Variants in SGCG observed in about 807,000 individuals in gnomAD.
The protein encoded by SGCG is sarcoglycan gamma, also known as gamma-sarcoglycan.
In SGCG, 26 loss-of-function variants were observed where a neutral mutation model predicts 29.3. The ratio of observed to expected loss-of-function variants is 0.89; its 90% CI spans 0.65 to 1.23. The LOEUF (loss-of-function observed/expected upper bound fraction) is 1.23, where lower values mean the gene tolerates loss of function less well. SGCG is among the 50% of genes most tolerant of loss of function. The pLI, the probability that SGCG is intolerant of heterozygous loss-of-function variation, is 0.00. For missense variants in SGCG, 353 were observed against 356.0 expected (o/e 0.99, Z 0.07); for synonymous variants, 145 against 129.7 (o/e 1.12, Z -0.80).
intron 6 of SGCG, among the ~76,000 whole-genome samples, chr13:23,303,379 A>C (rs913411090): frequency 6.6e-6 from 1 of 152,204 alleles, no homozygotes; most frequent in Non-Finnish European, 1.5e-5. Flanking sequence ...ACTTTCAGAC[A>C]CTGGATAGCA....
intron 4 of SGCG, among the ~76,000 whole-genome samples, chr13:23,259,844 T>G (rs1880356528): frequency 6.6e-6 from 1 of 152,226 alleles, no homozygotes; most frequent in Non-Finnish European, 1.5e-5. Flanking sequence ...TTCCATGTAG[T>G]TGAGCAGTTT....
intron 5 of SGCG, among the ~76,000 whole-genome samples, chr13:23,284,942 C>T (rs1881437752): frequency 6.6e-6 from 1 of 152,192 alleles, no homozygotes; most frequent in African/African-American, 2.4e-5. Flanking sequence ...GTGGAGGCTG[C>T]AGAACAGCAA....
chr13:23,270,225 T>C (rs1351730120), intron 4 of SGCG, among the ~76,000 whole-genome samples: 2 of 152,280 alleles, frequency 1.3e-5, no homozygotes, highest in South Asian at 2.1e-4. Flanking sequence ...AGAAGTGGGA[T>C]TGTGGATATG....
the SGCG span, among the ~76,000 whole-genome samples, chr13:23,163,076 A>C: frequency 6.6e-6 from 1 of 152,122 alleles, no homozygotes; most frequent in African/African-American, 2.4e-5. Context: ...TTTGAATGCC[A>C]ATTTTCGTAG....
At chr13:23,309,325 A>G (rs913508397) in intron 6 of SGCG, among the ~76,000 whole-genome samples, 7 of 152,068 alleles carry the variant, frequency 4.6e-5, no homozygotes, top group Non-Finnish European at 8.8e-5. Context: ...CTGGGCTCAA[A>G]TGATCCTTCT....
chr13:23,308,395 T>G (rs1006673766), intron 6 of SGCG, among the ~76,000 whole-genome samples: 1 of 152,186 alleles, frequency 6.6e-6, no homozygotes, highest in African/African-American at 2.4e-5. Flanking sequence ...TTTTGTCATA[T>G]ATAAAGCTAT....
At chr13:23,165,899 TG>T in the SGCG span, among the ~76,000 whole-genome samples, 1 of 152,198 alleles carries the variant, frequency 6.6e-6, no homozygotes, top group Non-Finnish European at 1.5e-5. Context: ...CTTTGTATCT[TG>T]CAACCCTGCT....
chr13:23,175,020 G>T, the SGCG span, among the ~76,000 whole-genome samples: 23 of 152,288 alleles, frequency 1.5e-4, no homozygotes, highest in African/African-American at 5.3e-4. Context: ...GAGCACGAGG[G>T]TCAGGATATA....
At chr13:23,205,192 T>C (rs1877939737) in intron 2 of SGCG, among the ~76,000 whole-genome samples, 1 of 152,180 alleles carries the variant, frequency 6.6e-6, no homozygotes, top group African/African-American at 2.4e-5. Flanking sequence ...AGCATCACAA[T>C]AGTACTTAGT....
upstream of SGCG, among the ~76,000 whole-genome samples, chr13:23,176,747 T>C (rs1565987400): frequency 6.6e-6 from 1 of 152,188 alleles, no homozygotes; most frequent in Non-Finnish European, 1.5e-5. Flanking sequence ...TGTCGATAGG[T>C]AAGGACTTAT....
chr13:23,260,710 T>C (rs778943103), intron 4 of SGCG, among the ~76,000 whole-genome samples: 22 of 152,322 alleles, frequency 1.4e-4, no homozygotes, highest in Non-Finnish European at 2.6e-4. Flanking sequence ...TGTTTAGTGC[T>C]TCCTTCAGGA....
At chr13:23,211,100 G>A (rs1396763981) in intron 2 of SGCG, among the ~76,000 whole-genome samples, 6 of 152,152 alleles carry the variant, frequency 3.9e-5, no homozygotes, top group African/African-American at 1.4e-4. Flanking sequence ...TTGGCCAAAC[G>A]TCTTGCACCC....
At chr13:23,197,132 T>C (rs184844993) in intron 1 of SGCG, among the ~76,000 whole-genome samples, 18 of 152,334 alleles carry the variant, frequency 1.2e-4, no homozygotes, top group African/African-American at 3.6e-4. Flanking sequence ...TAGCTCATTT[T>C]TTTTTGTTAC....
intron 3 of SGCG, among the ~76,000 whole-genome samples, chr13:23,238,341 C>A (rs1485530718): frequency 6.6e-6 from 1 of 152,108 alleles, no homozygotes; most frequent in Non-Finnish European, 1.5e-5. Context: ...TCACCTCATC[C>A]CACCCCCACC....
At chr13:23,313,316 C>T (rs147562811) in intron 6 of SGCG, among the ~76,000 whole-genome samples, 29,545 of 151,860 alleles carry the variant, frequency 0.19, 3,343 homozygotes, top group Non-Finnish European at 0.25. Context: ...AGGCATCCAC[C>T]ACCATGCCCA....
intron 6 of SGCG, among the ~76,000 whole-genome samples, chr13:23,308,912 C>T (rs1882453736): frequency 6.6e-6 from 1 of 151,954 alleles, no homozygotes; most frequent in African/African-American, 2.4e-5. Flanking sequence ...TTTTGAAAAA[C>T]TCTCCTGGTT....
chr13:23,324,298 A>G, intron 7 of SGCG, 70 bp from the exon 8 acceptor site: 1 of 1,436,358 alleles, frequency 7.0e-7, no homozygotes, highest in African/African-American at 1.4e-5. Context: ...AAATCTTGTG[A>G]GAATGGGGAT....
chr13:23,250,884 G>C (rs1251306560), intron 4 of SGCG, among the ~76,000 whole-genome samples, 167 bp downstream of exon 4: 2 of 152,186 alleles, frequency 1.3e-5, no homozygotes, highest in African/African-American at 4.8e-5. Context: ...AGAGTGGGGT[G>C]GGGGGTGAGG....
intron 4 of SGCG, among the ~76,000 whole-genome samples, chr13:23,266,475 A>T (rs1435058141): frequency 6.6e-6 from 1 of 152,162 alleles, no homozygotes; most frequent in African/African-American, 2.4e-5. Context: ...GTTCTCACTT[A>T]TAAGTGGGAA....
Sources: gnomAD v4.1 joint callset for allele counts (sites outside exome capture counted in the v4.1 genomes callset) on GRCh38, gnomAD v4.1.1 for gene constraint, MANE v1.5 for transcripts, NCBI Gene and HGNC (gene_info 2026-07-23, HGNC 2026-07-21) for gene names.